CREM: variants seen among roughly 807,000 people sequenced by gnomAD.
CREM encodes cAMP responsive element modulator.
A neutral mutation model predicts 37.3 loss-of-function variants in CREM; 13 were observed. The observed-to-expected ratio is 0.35, with a 90% CI of 0.23 to 0.55. CREM has a LOEUF of 0.55. Among genes scored for constraint, CREM ranks in the 20% least tolerant of loss-of-function variants. The probability of loss-of-function intolerance (pLI) is 0.88; values close to 1 mark genes in which losing one functional copy is unlikely to be tolerated. For missense variants in CREM, 296 were observed against 362.3 expected, an observed-to-expected ratio of 0.82 and a Z score of 1.49; for synonymous variants, 124 against 120.2, an observed-to-expected ratio of 1.03 and a Z score of -0.21.
chr10:35,193,407 A>G (rs1391774836), intron 6 of CREM, among the ~76,000 whole-genome samples: 5 of 151,890 alleles, frequency 3.3e-5, no homozygotes, highest in East Asian at 1.9e-4. Context: ...TTGAGCATCT[A>G]TGTGCCAATT....
intron 5 of CREM, among the ~76,000 whole-genome samples, chr10:35,187,148 T>C (rs537097170): frequency 3.3e-5 from 2 of 59,734 alleles, no homozygotes; most frequent in Non-Finnish European, 6.0e-5. Context: ...TAATATATAA[T>C]ATATATAATA....
At chr10:35,154,851 T>A (rs1354651457) in intron 3 of CREM, among the ~76,000 whole-genome samples, 3 of 152,188 alleles carry the variant, frequency 2.0e-5, no homozygotes, top group Non-Finnish European at 4.4e-5. Context: ...AAGTAACTGG[T>A]GAACTGTTAA....
chr10:35,181,202 C>G (rs778744471), intron 5 of CREM, among the ~76,000 whole-genome samples: 6 of 152,142 alleles, frequency 3.9e-5, no homozygotes, highest in Non-Finnish European at 8.8e-5. Context: ...ATCTTTGTGC[C>G]ATTTGCAAAC....
chr10:35,191,086 T>TTTATTTATTTATTTATTTATTTA (rs2094895646), intron 6 of CREM, among the ~76,000 whole-genome samples: 16 of 148,066 alleles, frequency 1.1e-4, no homozygotes, highest in African/African-American at 3.2e-4. Context: ...ACATTTTTCT[T>TTTATTTATTTATTTATTTATTTA]TTTATTTATT....
At chr10:35,209,341 C>T (rs2134766462) in intron 7 of CREM, 3 of 985,414 alleles carry the variant, frequency 3.0e-6, no homozygotes, top group Admixed American at 6.1e-5. Flanking sequence ...TTGCCTTGCA[C>T]TTCCTCTCCG....
Position 35,206,280 on chromosome 10 carries a change from G to A in CREM, c.599-615G>A, listed in dbSNP as rs145907201. Reference sequence around the variant, plus strand: ...AAAAAATATGTGTGTGTATAAATATGTATATATATACATGCATATATATAT... The same window carrying A: ...AAAAAATATGTGTGTGTATAAATATATATATATATACATGCATATATATAT... On this transcript the variant is annotated intron_variant, in intron 6 of 7. Transcript: ENST00000685392. Among the ~76,000 whole-genome samples the A allele has an allele frequency of 6.3e-3, 949 of 151,264 alleles. 12 individuals carry two copies. Among genetic ancestry groups the A allele is most frequent in the African/African-American group, 0.022 (893 of 41,262 alleles).
chr10:35,137,947 T>G, intron 2 of CREM, 68 bp downstream of exon 2: 1 of 1,249,492 alleles, frequency 8.0e-7, no homozygotes, highest in Non-Finnish European at 1.1e-6. Context: ...GATGAATAAA[T>G]TGATATATAG....
At chr10:35,175,739 A>G in intron 3 of CREM, 1 of 1,614,204 alleles carries the variant, frequency 6.2e-7, no homozygotes, top group Non-Finnish European at 8.5e-7. Context: ...ATTTCTCAGC[A>G]GCAGGAAAAA....
At chr10:35,153,435 A>G (rs1044549656) in intron 3 of CREM, among the ~76,000 whole-genome samples, 2 of 152,182 alleles carry the variant, frequency 1.3e-5, no homozygotes, top group Admixed American at 6.5e-5. Context: ...ACAAAATGTC[A>G]TTATACCTAG....
rs563769681 is a variant in CREM at position 35,139,305 on chromosome 10, A to T, written c.44+1426A>T. On this transcript the variant is annotated intron_variant, in intron 2 of 7. Coordinates refer to ENST00000685392, the MANE Select transcript of CREM (RefSeq NM_183011.2). ...CAGCTAATTTTTGTATTATTAGTAG[A>T]GATGGAGTTTCACCATATTGACCAA... is the stretch of plus-strand genomic sequence containing the variant. Among the ~76,000 whole-genome samples, 41 of 152,218 alleles carry T rather than the reference A, an allele frequency of 2.7e-4. No homozygotes were observed. The South Asian group carries it at 7.7e-3, about 28-fold the overall frequency.
chr10:35,155,985 G>A (rs984167656), intron 3 of CREM, among the ~76,000 whole-genome samples: 11 of 150,302 alleles, frequency 7.3e-5, no homozygotes, highest in African/African-American at 2.7e-4. Flanking sequence ...TGTTGCCCAG[G>A]CTGGAGTGCA....
rs191746011 is a variant in CREM, at chr10:35,147,930, T to G, written c.45-438T>G. Among the ~76,000 whole-genome samples the G allele has an allele frequency of 8.1e-4, 124 of 152,296 alleles. 2 individuals carry two copies. The highest frequency in any genetic ancestry group is 2.8e-3 in the African/African-American group (116 of 41,568). On this transcript the variant is annotated intron_variant, in intron 2 of 7. Transcript: ENST00000685392. ...GAAAACAAAAACCAGATAGTACAAT[T>G]GGATGTCAGAAATGATTATTAGAAA...
chr10:35,128,665 A>T (rs1265279066), intron 1 of CREM, among the ~76,000 whole-genome samples: 2 of 151,564 alleles, frequency 1.3e-5, no homozygotes, highest in Non-Finnish European at 2.9e-5. Flanking sequence ...AGCTGGGACT[A>T]CAGGCGCCCG....
At chr10:35,138,182 C>T (rs1380405889) in intron 2 of CREM, among the ~76,000 whole-genome samples, 2 of 152,226 alleles carry the variant, frequency 1.3e-5, no homozygotes, top group Non-Finnish European at 2.9e-5. Context: ...GAAGAATCCC[C>T]AGGGTTTTAT....
intron 3 of CREM, among the ~76,000 whole-genome samples, chr10:35,153,826 G>T (rs1288768236): frequency 3.3e-5 from 5 of 152,196 alleles, no homozygotes; most frequent in East Asian, 1.9e-4. Flanking sequence ...TCAGCAAACT[G>T]CCTCGAGAGA....
chr10:35,182,644 G>A (rs539484148), intron 5 of CREM, among the ~76,000 whole-genome samples: 1 of 152,224 alleles, frequency 6.6e-6, no homozygotes, highest in South Asian at 2.1e-4. Context: ...AAAGATATTT[G>A]GCAGAAGTTG....
At chr10:35,200,890 C>A (rs1241313297) in intron 6 of CREM, among the ~76,000 whole-genome samples, 3 of 152,172 alleles carry the variant, frequency 2.0e-5, no homozygotes, top group East Asian at 3.8e-4. Context: ...TGAATAAAAT[C>A]ACCATCATTT....
chr10:35,187,006 A>ATATATTATATATATATATG (rs1564919827), intron 5 of CREM, among the ~76,000 whole-genome samples: 1 of 87,570 alleles, frequency 1.1e-5, no homozygotes, highest in Non-Finnish European at 2.0e-5. Context: ...TATTATATAT[A>ATATATTATATATATATATG]ATATAATATA....
In CREM at chr10:35,173,765, A is replaced by C. The variant is rs1160162891; in HGVS notation, c.169-5124A>C. ...CAGAAGTGAGCAAACGCTACAAGTC[A>C]GTGTTCCTCCTTCTTAAGATCTAGT... On this transcript the variant is annotated intron_variant, in intron 3 of 7. Transcript: ENST00000685392. Among the ~76,000 whole-genome samples, 3 of 152,342 alleles carry C rather than the reference A, an allele frequency of 2.0e-5. No homozygotes were observed. The East Asian group carries it at 5.8e-4, about 29-fold the overall frequency.
Sources: gnomAD v4.1 joint callset for allele counts (sites outside exome capture counted in the v4.1 genomes callset) on GRCh38, gnomAD v4.1.1 for gene constraint, MANE v1.5 for transcripts, NCBI Gene and HGNC (gene_info 2026-07-23, HGNC 2026-07-21) for gene names.